Variants in PPM1L observed in about 807,000 individuals in gnomAD.
PPM1L encodes the protein protein phosphatase, Mg2+/Mn2+ dependent 1L.
In PPM1L, 13 loss-of-function variants were observed where a neutral mutation model predicts 31.4. The observed-to-expected ratio is 0.41, with a 90% CI of 0.27 to 0.66. The LOEUF (loss-of-function observed/expected upper bound fraction) is 0.66. Among genes scored for constraint, PPM1L ranks in the 30% least tolerant of loss-of-function variants. The probability of loss-of-function intolerance (pLI) is 0.29; values close to 1 mark genes in which losing one functional copy is unlikely to be tolerated. For missense variants in PPM1L, 326 were observed against 453.7 expected (o/e 0.72, Z 2.56); for synonymous variants, 184 against 175.4 (o/e 1.05, Z -0.39).
intron 2 of PPM1L, among the ~76,000 whole-genome samples, chr3:161,049,997 G>T: frequency 6.6e-6 from 1 of 152,130 alleles, no homozygotes; most frequent in East Asian, 1.9e-4. Flanking sequence ...CGACCTTCCT[G>T]GCCATCCCTT....
chr3:160,943,035 C>G (rs1715212921), intron 1 of PPM1L, among the ~76,000 whole-genome samples: 1 of 151,878 alleles, frequency 6.6e-6, no homozygotes, highest in African/African-American at 2.4e-5. Context: ...AAAACAATCA[C>G]AAAACTCATG....
intron 2 of PPM1L, 92 bp downstream of exon 2, chr3:160,962,002 C>A: frequency 1.0e-6 from 1 of 955,254 alleles, no homozygotes; most frequent in Non-Finnish European, 1.5e-6. Context: ...TAAGGGCAAA[C>A]TAGATTCAAA....
chr3:160,997,443 G>A (rs2108048945), intron 2 of PPM1L, among the ~76,000 whole-genome samples: 1 of 152,314 alleles, frequency 6.6e-6, no homozygotes, highest in Non-Finnish European at 1.5e-5. Context: ...TAGTAAAAGG[G>A]AGAAGGATAA....
intron 1 of PPM1L, among the ~76,000 whole-genome samples, chr3:160,941,304 T>C (rs1220219600): frequency 3.9e-5 from 6 of 152,106 alleles, no homozygotes; most frequent in Admixed American, 6.5e-5. Flanking sequence ...TTTGGAGGAC[T>C]GTTGGGAAGG....
chr3:160,958,810 T>C (rs575981915), intron 1 of PPM1L, among the ~76,000 whole-genome samples: 2 of 152,304 alleles, frequency 1.3e-5, no homozygotes, highest in South Asian at 2.1e-4. Context: ...GGATAAAATA[T>C]AACTTTTCAC....
At chr3:160,759,898 A>G (rs912683863) in intron 1 of PPM1L, among the ~76,000 whole-genome samples, 2 of 152,168 alleles carry the variant, frequency 1.3e-5, no homozygotes, top group Non-Finnish European at 2.9e-5. Context: ...AATAGGGATA[A>G]TAATGCCTGT....
chr3:160,760,171 C>T (rs1714931377), intron 1 of PPM1L, among the ~76,000 whole-genome samples: 1 of 152,208 alleles, frequency 6.6e-6, no homozygotes, highest in South Asian at 2.1e-4. Context: ...ATTACTAATT[C>T]AGGATTTCAG....
intron 1 of PPM1L, among the ~76,000 whole-genome samples, chr3:160,952,313 C>T (rs541574081): frequency 7.9e-4 from 121 of 152,316 alleles, no homozygotes; most frequent in Non-Finnish European, 1.4e-3. Flanking sequence ...AGTAAATTAA[C>T]GTGTGGTCTG....
chr3:161,001,680 A>G (rs1416491403), intron 2 of PPM1L, among the ~76,000 whole-genome samples: 1 of 152,076 alleles, frequency 6.6e-6, no homozygotes, highest in Non-Finnish European at 1.5e-5. Flanking sequence ...TTTTTCTTCT[A>G]TCAAAGCTTC....
chr3:160,780,097 C>G (rs2108066159), intron 1 of PPM1L, among the ~76,000 whole-genome samples: 1 of 152,108 alleles, frequency 6.6e-6, no homozygotes, highest in African/African-American at 2.4e-5. Context: ...TGATCACTGC[C>G]CATTGCAGCC....
At chr3:160,934,553 T>C (rs917473582) in intron 1 of PPM1L, among the ~76,000 whole-genome samples, 1 of 152,238 alleles carries the variant, frequency 6.6e-6, no homozygotes, top group Non-Finnish European at 1.5e-5. Context: ...CAACTATTGC[T>C]AGAGGTTCTG....
intron 2 of PPM1L, chr3:161,022,480 T>C (rs1033225313): frequency 1.3e-5 from 3 of 224,914 alleles, no homozygotes; most frequent in Admixed American, 5.7e-5. Flanking sequence ...CTATTGTCTA[T>C]TATATTTACT....
At chr3:160,847,543 A>G (rs1714119422) in intron 1 of PPM1L, among the ~76,000 whole-genome samples, 1 of 152,132 alleles carries the variant, frequency 6.6e-6, no homozygotes, top group African/African-American at 2.4e-5. Flanking sequence ...GATCTCAGGA[A>G]CCCTTCTGCC....
intron 2 of PPM1L, among the ~76,000 whole-genome samples, chr3:161,048,099 A>C (rs1325006174): frequency 1.3e-5 from 2 of 152,242 alleles, no homozygotes; most frequent in African/African-American, 4.8e-5. Context: ...GATCTAATTA[A>C]ACTAAAGAGC....
At chr3:160,969,144 G>A (rs181014620) in intron 2 of PPM1L, among the ~76,000 whole-genome samples, 98 of 152,322 alleles carry the variant, frequency 6.4e-4, no homozygotes, top group African/African-American at 2.2e-3. Flanking sequence ...TGAGAAAGGA[G>A]GAGCAGCATT....
intron 1 of PPM1L, among the ~76,000 whole-genome samples, chr3:160,903,410 C>T (rs1301333720): frequency 1.3e-5 from 2 of 151,948 alleles, no homozygotes; most frequent in African/African-American, 4.8e-5. Flanking sequence ...GTTAATGTCT[C>T]CAACTGATGG....
At chr3:161,004,859 T>C (rs1156857869) in intron 2 of PPM1L, among the ~76,000 whole-genome samples, 9 of 152,236 alleles carry the variant, frequency 5.9e-5, no homozygotes, top group Non-Finnish European at 1.0e-4. Context: ...GCTCTGATTT[T>C]AGTCATTTCT....
At chr3:161,039,812 G>A (rs553260285) in intron 2 of PPM1L, among the ~76,000 whole-genome samples, 20 of 152,230 alleles carry the variant, frequency 1.3e-4, no homozygotes, top group African/African-American at 2.9e-4. Context: ...CACTGCGCCC[G>A]GCCATACCTC....
chr3:161,054,532 T>C (rs1719361021), intron 2 of PPM1L, among the ~76,000 whole-genome samples: 1 of 152,144 alleles, frequency 6.6e-6, no homozygotes, highest in African/African-American at 2.4e-5. Context: ...TTTATGGAGA[T>C]GGTAGTAAAG....
Sources: allele counts gnomAD v4.1 joint callset (sites outside exome capture counted in the v4.1 genomes callset), GRCh38; gene constraint gnomAD v4.1.1; transcripts MANE v1.5; gene names NCBI Gene and HGNC (gene_info 2026-07-23, HGNC 2026-07-21).